Variants in ESPNL observed in about 807,000 individuals in gnomAD.
The protein encoded by ESPNL is espin-like protein.
ESPNL carries 49 observed loss-of-function variants against 46.8 expected under a neutral mutation model. The ratio of observed to expected loss-of-function variants is 1.05; its 90% CI spans 0.83 to 1.33. The LOEUF is 1.33. ESPNL is among the 40% of genes most tolerant of loss of function. ESPNL has a pLI of 0.00. For synonymous variants in ESPNL, 664 were observed against 662.1 expected (o/e 1.00, Z -0.04); for missense variants, 1,540 against 1,436.6 (o/e 1.07, Z -1.16).
At chr2:238,103,121 A>G (rs1460944316) in intron 2 of ESPNL, among the ~76,000 whole-genome samples, 1 of 152,200 alleles carries the variant, frequency 6.6e-6, no homozygotes, top group Non-Finnish European at 1.5e-5. Context: ...AGTTTCCACC[A>G]TTGAAAACTG....
chr2:238,131,459 G>A lies in ESPNL; in HGVS notation c.2745G>A (p.Trp915Ter). The A allele has an allele frequency of 1.2e-6, 2 of 1,611,284 alleles. No homozygotes were observed. The highest frequency in any genetic ancestry group is 1.1e-5 in the South Asian group (1 of 90,972). The part of the protein sequence containing the change: ...TDEVAAGRRA[W>*]TDGFEDIKAR... The stretch of plus-strand genomic sequence containing the variant: ...AGGTGGCCGCCGGCCGCCGGGCCTG[G>A]ACCGACGGCTTCGAGGACATCAAAG... Residue 915 changes from tryptophan to a stop codon, truncating the protein, a stop_gained, in exon 9 of 9, where the codon TGG (tryptophan) becomes TGA (stop). Transcript: ENST00000343063. LOFTEE classifies it low-confidence loss of function (END_TRUNC).
At chr2:238,107,073 G>A (rs567155302) in intron 3 of ESPNL, among the ~76,000 whole-genome samples, 4 of 152,338 alleles carry the variant, frequency 2.6e-5, no homozygotes, top group South Asian at 2.1e-4. Flanking sequence ...GAGCCAGCAC[G>A]CCCATCACCC....
In ESPNL at chr2:238,130,735, G is replaced by A. The variant is rs1032152893; in HGVS notation, c.2021G>A (p.Cys674Tyr). 6.4e-7 allele frequency: 1 copy of A among 1,564,354 alleles called. No individual in the cohort carries two copies. The stretch of plus-strand genomic sequence containing the variant: ...CTCTGTGGCTTCAACCCTGGCCCCT[G>A]CGAGCCGGGGGCCCAGCACAGGCAG... Reference protein sequence around the residue: ...GPLCGFNPGPCEPGAQHRQCL... With the variant: ...GPLCGFNPGPYEPGAQHRQCL... The change falls in exon 9 of 9, where the codon TGC (cysteine) becomes TAC (tyrosine). Residue 674 changes from cysteine to tyrosine, a missense_variant. Transcript: ENST00000343063.
intron 4 of ESPNL, among the ~76,000 whole-genome samples, chr2:238,111,118 G>A (rs1227790706): frequency 6.6e-6 from 1 of 151,756 alleles, no homozygotes; most frequent in Non-Finnish European, 1.5e-5. Context: ...GTAGAGACGG[G>A]GTTTCACCAT....
chr2:238,103,479 G>T (rs539482879), intron 2 of ESPNL, among the ~76,000 whole-genome samples: 1 of 151,860 alleles, frequency 6.6e-6, no homozygotes, highest in African/African-American at 2.4e-5. Flanking sequence ...ACACACACAC[G>T]CACACACGCA....
At chr2:238,127,591 C>G (rs1221116482) in intron 6 of ESPNL, 31 bp from the exon 7 acceptor site, 1 of 1,566,796 alleles carries the variant, frequency 6.4e-7, no homozygotes, top group East Asian at 2.3e-5. Flanking sequence ...AGCCCTTGCC[C>G]TTTCTGCAAC....
chr2:238,106,648 A>C (rs1691605084), intron 3 of ESPNL, among the ~76,000 whole-genome samples: 1 of 152,170 alleles, frequency 6.6e-6, no homozygotes, highest in African/African-American at 2.4e-5. Context: ...TCAGCCTCCC[A>C]AACTATGCCT....
At position 238,100,395 on chromosome 2, in the gene ESPNL, C is replaced by A; in HGVS notation, c.-25C>A. The A allele has an allele frequency of 1.3e-6, 2 of 1,573,276 alleles. No homozygotes were observed. Among genetic ancestry groups the A allele is most frequent in the South Asian group, 1.2e-5 (1 of 85,806 alleles). ...AGGAAGCCCCAGCCTGTGCATGAGTCGCCACTGAGAGCCCGGGCCAGAGGA... is the reference window on the plus strand; with the variant it reads ...AGGAAGCCCCAGCCTGTGCATGAGTAGCCACTGAGAGCCCGGGCCAGAGGA... On this transcript the variant is annotated 5_prime_UTR_variant, in exon 1 of 9. Transcript: ENST00000343063.
Position 238,104,705 on chromosome 2 carries a change from T to C in ESPNL, c.535T>C (p.Cys179Arg), listed in dbSNP as rs146620287. ...TGGCGCCTCCCCACTCTACCTGGCC[T>C]GCCAGGAGGGCCACCTGCACCTGGC... ...RSGASPLYLA[C>R]QEGHLHLAQF... The change falls in exon 3 of 9, where the codon TGC (cysteine) becomes CGC (arginine). Residue 179 changes from cysteine to arginine, a missense_variant. Cys to Arg is a radical substitution (Grantham distance 180, BLOSUM62 -3). Coordinates refer to ENST00000343063, the MANE Select transcript of ESPNL (RefSeq NM_194312.4). The C allele has an allele frequency of 4.4e-4, 704 of 1,607,472 alleles. 7 individuals are homozygous for C. The African/African-American group carries it at 8.0e-3, about 18-fold the overall frequency.
chr2:238,109,148 A>T (rs1470160256), intron 4 of ESPNL, among the ~76,000 whole-genome samples: 8 of 152,158 alleles, frequency 5.3e-5, no homozygotes, highest in African/African-American at 1.9e-4. Flanking sequence ...TGGCAGGAGG[A>T]GCTCTGCTGA....
chr2:238,100,852 A>G, intron 1 of ESPNL, 139 bp downstream of exon 1: 1 of 689,960 alleles, frequency 1.4e-6, no homozygotes, highest in Non-Finnish European at 2.1e-6. Flanking sequence ...GGACTCAGTC[A>G]GTGGTTACCG....
intron 8 of ESPNL, 100 bp from the exon 9 acceptor site, chr2:238,130,028 G>A (rs1332929301): frequency 3.7e-6 from 5 of 1,348,826 alleles, no homozygotes; most frequent in African/African-American, 1.5e-5. Flanking sequence ...CAGGACCAGA[G>A]GCTCTGCAGA....
Position 238,127,545 on chromosome 2 carries a change from G to T in ESPNL, c.1103-77G>T, listed in dbSNP as rs950889525. 7.4e-6 allele frequency: 11 copies of T among 1,489,702 alleles called. No homozygotes were observed. The African/African-American group carries it at 1.4e-4, about 19-fold the overall frequency. 92.3% of individuals were successfully genotyped at this position (1,489,702 alleles called of 1,614,324 possible). A position where few individuals can be genotyped will look rare whatever the true frequency, so the allele number is the denominator to read the frequency against. ...GTTCAGGAGGTCAGCTCTGCCCCCA[G>T]GGCCGGATCCCCGAGGCTCTGGGTC... On this transcript the variant is annotated intron_variant, in intron 6 of 8. Coordinates refer to ENST00000343063, the MANE Select transcript of ESPNL (RefSeq NM_194312.4).
chr2:238,107,805 C>T lies in ESPNL; in HGVS notation c.687C>T (p.Asp229=). 1.3e-6 allele frequency: 2 copies of T among 1,595,688 alleles called. No homozygotes were observed. The highest frequency in any genetic ancestry group is 1.7e-6 in the Non-Finnish European group (2 of 1,171,294). Residue 229 remains aspartate, a synonymous_variant, in exon 4 of 9, where the codon GAC becomes GAT. Coordinates refer to ENST00000343063, the MANE Select transcript of ESPNL (RefSeq NM_194312.4). ...SLVVWLVTFT[D]IGLTARDNEG... The stretch of plus-strand genomic sequence containing the variant: ...TCCTTCCCCAGGTCACATTCACCGA[C>T]ATCGGACTCACGGCACGGGACAATG...
At position 238,117,027 on chromosome 2, in the gene ESPNL, C is replaced by T. The variant is rs1691833136; in HGVS notation, c.980C>T (p.Ala327Val). The T allele has an allele frequency of 6.2e-7, 1 of 1,609,832 alleles. No individual in the cohort carries two copies. The highest frequency in any genetic ancestry group is 1.7e-5 in the Admixed American group (1 of 59,590). ...TGCGCCCAGTACCTGCGGGAGGTGG[C>T]CCAGCCGGTAAGGCTCAGGGTCCCC... Reference protein sequence around the residue: ...RDCAQYLREVAQPVPLLMTPP... With the variant: ...RDCAQYLREVVQPVPLLMTPP... The change falls in exon 5 of 9, where the codon GCC becomes GTC. Residue 327 changes from alanine (A) to valine (V), a missense_variant. Transcript: ENST00000343063.
chr2:238,116,535 G>A (rs955340628), intron 4 of ESPNL, among the ~76,000 whole-genome samples: 2 of 152,148 alleles, frequency 1.3e-5, no homozygotes, highest in African/African-American at 2.4e-5. Context: ...TCTGAGCCTC[G>A]TCTCTTCACG....
intron 5 of ESPNL, among the ~76,000 whole-genome samples, chr2:238,124,010 C>T (rs184900397): frequency 6.6e-6 from 1 of 152,240 alleles, no homozygotes; most frequent in Non-Finnish European, 1.5e-5. Flanking sequence ...GCAGGGCCAA[C>T]TTCACTGCAG....
intron 6 of ESPNL, 50 bp downstream of exon 6, chr2:238,125,434 G>A: frequency 8.7e-7 from 1 of 1,148,204 alleles, no homozygotes; most frequent in Non-Finnish European, 1.2e-6. Flanking sequence ...CCTGGGAGAG[G>A]GTGCCACTGG....
intron 5 of ESPNL, among the ~76,000 whole-genome samples, chr2:238,119,677 C>T (rs1056375930): frequency 1.3e-5 from 2 of 152,006 alleles, no homozygotes; most frequent in Admixed American, 1.3e-4. Context: ...TCTGCCACAC[C>T]TCTTTTACTG....
Sources: allele counts gnomAD v4.1 joint callset (sites outside exome capture counted in the v4.1 genomes callset), GRCh38; gene constraint gnomAD v4.1.1; transcripts MANE v1.5; gene names NCBI Gene and HGNC (gene_info 2026-07-23, HGNC 2026-07-21).